NHSL2: variants seen among roughly 807,000 people sequenced by gnomAD.
NHSL2 encodes NHS-like protein 2.
In NHSL2, 27 loss-of-function variants were observed where a neutral mutation model predicts 53.4. The ratio of observed to expected loss-of-function variants is 0.51; its 90% CI spans 0.37 to 0.70. The LOEUF (loss-of-function observed/expected upper bound fraction) is 0.70. Ranked by LOEUF, NHSL2 falls within the 30% of genes least tolerant of loss-of-function variation. The probability of loss-of-function intolerance (pLI) is 0.00; values close to 1 mark genes in which losing one functional copy is unlikely to be tolerated. For synonymous variants in NHSL2, 408 were observed against 404.1 expected, an observed-to-expected ratio of 1.01 and a Z score of -0.12; for missense variants, 892 against 980.1, an observed-to-expected ratio of 0.91 and a Z score of 1.20.
At chrX:72,091,317 G>T (rs2041895892) in intron 1 of NHSL2, among the ~76,000 whole-genome samples, 1 of 111,777 alleles carries the variant, frequency 8.9e-6, no homozygotes, top group African/African-American at 3.3e-5. Context: ...AGCCAGGCGT[G>T]GTGGTGGGCG....
At chrX:72,093,721 G>T (rs7883142) in intron 1 of NHSL2, among the ~76,000 whole-genome samples, 20,332 of 94,983 alleles carry the variant, frequency 0.21, 2,051 homozygotes, top group African/African-American at 0.4. Context: ...TAGCTTGCTT[G>T]CTTTCTTTCT....
chrX:71,935,388 G>T (rs2041733167), intron 1 of NHSL2, among the ~76,000 whole-genome samples: 1 of 112,446 alleles, frequency 8.9e-6, no homozygotes. Context: ...GAAAACCATA[G>T]TAGTAGCACA....
In NHSL2 at chrX:72,069,421, G is replaced by C. The variant is rs180748846; in HGVS notation, c.281-62658G>C. 3.4e-4 allele frequency among the ~76,000 whole-genome samples: 38 copies of C among 110,492 alleles called. No individual in the cohort carries two copies. In the East Asian group the frequency reaches 0.01, roughly 29 times the overall value. On this transcript the variant is annotated intron_variant, in intron 1 of 7. Transcript: ENST00000633930. The stretch of plus-strand genomic sequence containing the variant: ...GGAGGGGGAGAGAGAGGGAGGAAGA[G>C]AGAGAGAGAGAGACTGAGAGAGACT...
intron 1 of NHSL2, chrX:72,069,707 C>T: frequency 7.5e-6 from 7 of 937,792 alleles, no homozygotes; most frequent in Non-Finnish European, 9.3e-6. Context: ...ACTCTCACCA[C>T]AAGCAACCGA....
Position 72,044,684 on chromosome X carries a change from C to T in NHSL2, c.281-87395C>T, listed in dbSNP as rs751878143. The stretch of plus-strand genomic sequence containing the variant: ...TTCGTCATTCGAAACATAGTGGAGG[C>T]CGCAGCAGTCAGGGACATTTCTGAA... On this transcript the variant is annotated intron_variant, in intron 1 of 7. Transcript: ENST00000633930. 3.1e-4 allele frequency: 351 copies of T among 1,149,640 alleles called. 2 individuals are homozygous for T. In the East Asian group the frequency reaches 0.01, roughly 34 times the overall value. The allele number at this position is 1,149,640 out of a possible 1,213,427, so 94.7% of individuals were successfully genotyped here.
chrX:71,972,058 G>T (rs1184132501), intron 1 of NHSL2, among the ~76,000 whole-genome samples: 25 of 109,465 alleles, frequency 2.3e-4, no homozygotes, highest in African/African-American at 7.7e-4. Flanking sequence ...TTTCTGAGAT[G>T]GAGTTTCACT....
At position 72,139,971 on chromosome X, in the gene NHSL2, A is replaced by G. The variant is rs756002356; in HGVS notation, c.2423A>G (p.Lys808Arg). 43 of 1,210,150 alleles carry G rather than the reference A, an allele frequency of 3.6e-5. No individual in the cohort carries two copies. The highest frequency in any genetic ancestry group is 5.9e-5 in the East Asian group (2 of 33,817). The change falls in exon 6 of 8, where the codon AAG becomes AGG. Residue 808 changes from lysine (K) to arginine (R), a missense_variant. By Grantham distance (26) the Lys-to-Arg change is conservative. Transcript: ENST00000633930. ...RHHSETNFGV[K>R]LAQKTNPNQP... ...CACTCAGAGACAAATTTTGGCGTCA[A>G]GCTGGCCCAGAAAACTAATCCCAAC...
At chrX:72,049,004 G>GAAT in intron 1 of NHSL2, among the ~76,000 whole-genome samples, 1 of 91,750 alleles carries the variant, frequency 1.1e-5, no homozygotes, top group Non-Finnish European at 2.2e-5. Flanking sequence ...AGAAGAAGAA[G>GAAT]AAGAAGAAGA....
In NHSL2 at chrX:72,071,384, G is replaced by A. The variant is rs374995841; in HGVS notation, c.281-60695G>A. Among the ~76,000 whole-genome samples, 5 of 112,330 alleles carry A rather than the reference G, an allele frequency of 4.5e-5. No homozygotes were observed. In the East Asian group the frequency reaches 8.4e-4, roughly 19 times the overall value. ...GAGATGCTCTGTGCAGCCCAGTACA[G>A]AAGCTTGAAGATAACTTTTTACATA... On this transcript the variant is annotated intron_variant, in intron 1 of 7. Coordinates refer to ENST00000633930, the MANE Select transcript of NHSL2 (RefSeq NM_001013627.3).
chrX:72,075,813 A>C, intron 1 of NHSL2, among the ~76,000 whole-genome samples: 1 of 110,823 alleles, frequency 9.0e-6, no homozygotes, highest in Non-Finnish European at 1.9e-5. Context: ...CAAGATGATC[A>C]GGGTAAGAAG....
intron 1 of NHSL2, among the ~76,000 whole-genome samples, chrX:72,009,217 A>T (rs1602307578): frequency 8.9e-6 from 1 of 112,916 alleles, no homozygotes; most frequent in African/African-American, 3.2e-5. Flanking sequence ...CTGTGTGGAG[A>T]GAACCACCTG....
chrX:72,091,396 G>A (rs1007663807), intron 1 of NHSL2, among the ~76,000 whole-genome samples: 4 of 111,248 alleles, frequency 3.6e-5, no homozygotes, highest in African/African-American at 1.3e-4. Flanking sequence ...GGAGCTTGCG[G>A]TGAGCCGAGA....
chrX:72,137,152 C>G lies in NHSL2; in HGVS notation c.819C>G (p.Ala273=). 1 of 1,164,691 alleles carries G rather than the reference C, an allele frequency of 8.6e-7. No individual in the cohort carries two copies. Among genetic ancestry groups the G allele is most frequent in the Non-Finnish European group, 1.1e-6 (1 of 870,062 alleles). Residue 273 remains alanine (A), a synonymous_variant, in exon 5 of 8, where the codon GCC becomes GCG. Coordinates refer to ENST00000633930, the MANE Select transcript of NHSL2 (RefSeq NM_001013627.3). ...ACTCGTTGTTTAACACAGAGACAGC[C>G]GTGAACCCCAAGTCCACCCTGAGGC... ...LRHSLFNTET[A]VNPKSTLRRR... is the part of the protein sequence containing the mutation.
intron 1 of NHSL2, among the ~76,000 whole-genome samples, chrX:72,079,340 G>A (rs2041770219): frequency 1.8e-5 from 2 of 112,373 alleles, no homozygotes; most frequent in South Asian, 3.7e-4. Context: ...GTCTATTGGC[G>A]GAAGTGTAGG....
intron 7 of NHSL2, 63 bp from the exon 8 acceptor site, chrX:72,143,190 C>G: frequency 1.2e-6 from 1 of 812,600 alleles, no homozygotes; most frequent in Non-Finnish European, 1.7e-6. Context: ...GCATGGGGGT[C>G]TGTGAAGCAC....
rs765467623 is a variant in NHSL2 at position 72,146,017 on chromosome X, A to G, written c.*2443A>G. The G allele has an allele frequency of 4.4e-5, 5 of 112,855 alleles. No homozygotes were observed. The East Asian group carries it at 1.4e-3, about 31-fold the overall frequency. The allele number at this position is 112,855 out of a possible 1,213,427, so 9.3% of individuals were successfully genotyped here. ...TAGCACAAGAGGATTTGGGGCAGAA[A>G]TCATATGGTCAGAGAGAACATTTAA... is the stretch of plus-strand genomic sequence containing the variant. On this transcript the variant is annotated 3_prime_UTR_variant, in exon 8 of 8. Coordinates refer to ENST00000633930, the MANE Select transcript of NHSL2 (RefSeq NM_001013627.3).
intron 1 of NHSL2, among the ~76,000 whole-genome samples, chrX:72,105,522 G>A (rs140325071): frequency 0.059 from 6,600 of 111,525 alleles, 196 homozygotes; most frequent in South Asian, 0.17. Context: ...TGAGGTAGGC[G>A]GAAGTTGGAG....
rs188801005 is a variant in NHSL2, at chrX:72,035,260, C to T, written c.281-96819C>T. Among the ~76,000 whole-genome samples, 198 of 111,587 alleles carry T rather than the reference C, an allele frequency of 1.8e-3. 1 individual carries two copies. The highest frequency in any genetic ancestry group is 6.1e-3 in the African/African-American group (187 of 30,761). On this transcript the variant is annotated intron_variant, in intron 1 of 7. Transcript: ENST00000633930. ...AGTTTGATTCTCTATGTCAAGAGAACAGACTCAGTGTGACTTCAAATATTT... is the reference window on the plus strand; with the variant it reads ...AGTTTGATTCTCTATGTCAAGAGAATAGACTCAGTGTGACTTCAAATATTT...
At chrX:72,141,981 G>A (rs1055297010) in intron 6 of NHSL2, among the ~76,000 whole-genome samples, 3 of 111,394 alleles carry the variant, frequency 2.7e-5, no homozygotes, top group Admixed American at 9.5e-5. Context: ...GAGAATGCTC[G>A]GGCCACCTGT....
Sources: gnomAD v4.1 joint callset for allele counts (sites outside exome capture counted in the v4.1 genomes callset) on GRCh38, gnomAD v4.1.1 for gene constraint, MANE v1.5 for transcripts, NCBI Gene and HGNC (gene_info 2026-07-23, HGNC 2026-07-21) for gene names.